Variants in PRR16 observed in about 807,000 individuals in gnomAD.
PRR16 encodes protein Largen.
A neutral mutation model predicts 18.2 loss-of-function variants in PRR16; 6 were observed. That is an observed-to-expected ratio of 0.33 (90% CI 0.18 to 0.65). The LOEUF (loss-of-function observed/expected upper bound fraction) is 0.65. PRR16 is among the 30% of genes least tolerant of loss of function. The pLI is 0.74. For missense variants in PRR16, 412 were observed against 376.6 expected (o/e 1.09, Z -0.78); for synonymous variants, 151 against 147.8 (o/e 1.02, Z -0.16).
At chr5:120,574,464 C>A (rs1753010402) in intron 1 of PRR16, among the ~76,000 whole-genome samples, 1 of 151,838 alleles carries the variant, frequency 6.6e-6, no homozygotes, top group Admixed American at 6.6e-5. Flanking sequence ...ATTAGCCAGG[C>A]ATGGTGGCAT....
At chr5:120,604,471 A>C (rs1754087770) in intron 1 of PRR16, among the ~76,000 whole-genome samples, 1 of 152,160 alleles carries the variant, frequency 6.6e-6, no homozygotes. Flanking sequence ...TATTGAAGAC[A>C]GCATACAGTT....
the PRR16 span, among the ~76,000 whole-genome samples, chr5:120,708,141 G>A: frequency 6.6e-6 from 1 of 152,118 alleles, no homozygotes; most frequent in South Asian, 2.1e-4. Flanking sequence ...CAGTGAAAAC[G>A]CCATTCTCAT....
At chr5:120,582,045 G>A (rs1268673992) in intron 1 of PRR16, among the ~76,000 whole-genome samples, 1 of 152,124 alleles carries the variant, frequency 6.6e-6, no homozygotes, top group Non-Finnish European at 1.5e-5. Context: ...CTGAAGTCAT[G>A]TAACCAACCT....
intron 1 of PRR16, among the ~76,000 whole-genome samples, chr5:120,683,409 G>A (rs955137393): frequency 1.3e-5 from 2 of 151,560 alleles, no homozygotes; most frequent in Non-Finnish European, 2.9e-5. Context: ...GGCTGAGGTG[G>A]GAGAATTGCT....
At chr5:120,586,858 G>A (rs1454207655) in intron 1 of PRR16, among the ~76,000 whole-genome samples, 1 of 152,166 alleles carries the variant, frequency 6.6e-6, no homozygotes, top group East Asian at 1.9e-4. Flanking sequence ...AGCTGGAAAT[G>A]ATTAAACTTA....
chr5:120,645,805 C>T (rs1755572287), intron 1 of PRR16, among the ~76,000 whole-genome samples: 1 of 151,268 alleles, frequency 6.6e-6, no homozygotes, highest in Non-Finnish European at 1.5e-5. Context: ...ATCTGCAGCA[C>T]TTCCAGGCAT....
chr5:120,637,586 G>A (rs1580815900), intron 1 of PRR16, among the ~76,000 whole-genome samples: 1 of 152,056 alleles, frequency 6.6e-6, no homozygotes, highest in Non-Finnish European at 1.5e-5. Context: ...TCACTTATGG[G>A]AGCTAAGTTA....
rs1050519029 is a variant in PRR16 at position 120,492,037 on chromosome 5, A to G, written c.159+27392A>G. Among the ~76,000 whole-genome samples, 9 of 151,710 alleles carry G rather than the reference A, an allele frequency of 5.9e-5. No homozygotes were observed. The East Asian group carries it at 1.5e-3, about 26-fold the overall frequency. ...TACAAAATGTAAATAGGGTTTGTAC[A>G]TTATAGTGTTCAATCTCTTTGTTCA... On this transcript the variant is annotated intron_variant, in intron 1 of 1. Transcript: ENST00000407149.
chr5:120,744,848 G>A, the PRR16 span, among the ~76,000 whole-genome samples: 3 of 152,128 alleles, frequency 2.0e-5, no homozygotes, highest in Non-Finnish European at 4.4e-5. Flanking sequence ...TTGTCAATGG[G>A]GGGTAAAGTG....
the PRR16 span, among the ~76,000 whole-genome samples, chr5:120,758,239 TGTA>T: frequency 5.9e-5 from 9 of 152,220 alleles, no homozygotes; most frequent in South Asian, 1.2e-3. Flanking sequence ...TATTCTCAAA[TGTA>T]GTATTTTTAG....
At chr5:120,570,301 C>T (rs778438412) in intron 1 of PRR16, among the ~76,000 whole-genome samples, 13 of 151,942 alleles carry the variant, frequency 8.6e-5, no homozygotes, top group Non-Finnish European at 1.5e-4. Context: ...AGGTCTGGCA[C>T]CATCCTAAAT....
At chr5:120,597,843 T>G (rs1753862161) in intron 1 of PRR16, among the ~76,000 whole-genome samples, 4 of 151,916 alleles carry the variant, frequency 2.6e-5, no homozygotes, top group Non-Finnish European at 5.9e-5. Flanking sequence ...CCTTTTCATT[T>G]GAAATGTAAG....
chr5:120,638,513 T>C (rs1419666843), intron 1 of PRR16, among the ~76,000 whole-genome samples: 1 of 152,120 alleles, frequency 6.6e-6, no homozygotes, highest in Non-Finnish European at 1.5e-5. Flanking sequence ...TATTGACTTA[T>C]TTAAGTCTAA....
chr5:120,552,402 A>G (rs1752282537), intron 1 of PRR16, among the ~76,000 whole-genome samples: 2 of 151,642 alleles, frequency 1.3e-5, no homozygotes, highest in African/African-American at 4.8e-5. Context: ...AGGTGTACAT[A>G]TTATTTTGGA....
intron 1 of PRR16, among the ~76,000 whole-genome samples, chr5:120,643,198 C>A (rs67879673): frequency 0.017 from 838 of 49,312 alleles, 4 homozygotes; most frequent in African/African-American, 0.042. Flanking sequence ...TAAAAAAAAA[C>A]AAAACAAAAC....
chr5:120,777,330 TAAC>T, the PRR16 span, among the ~76,000 whole-genome samples: 5 of 152,138 alleles, frequency 3.3e-5, no homozygotes, highest in African/African-American at 7.2e-5. Context: ...GCTTATTACT[TAAC>T]TTTTTCTAAA....
intron 1 of PRR16, among the ~76,000 whole-genome samples, chr5:120,597,236 T>C (rs931207659): frequency 4.6e-5 from 7 of 151,626 alleles, no homozygotes; most frequent in Non-Finnish European, 8.9e-5. Context: ...TTTCTTCCAT[T>C]CTATTGGTTG....
At chr5:120,718,164 C>T in the PRR16 span, among the ~76,000 whole-genome samples, 1,930 of 152,066 alleles carry the variant, frequency 0.013, 55 homozygotes, top group African/African-American at 0.044. Flanking sequence ...AAAATTTTCC[C>T]GTCTAATGTT....
At chr5:120,474,179 C>A (rs1749361186) in intron 1 of PRR16, among the ~76,000 whole-genome samples, 1 of 152,144 alleles carries the variant, frequency 6.6e-6, no homozygotes. Context: ...AATGGGACTT[C>A]TGAGCAGGGA....
Sources: gnomAD v4.1 joint callset for allele counts (sites outside exome capture counted in the v4.1 genomes callset) on GRCh38, gnomAD v4.1.1 for gene constraint, MANE v1.5 for transcripts, NCBI Gene and HGNC (gene_info 2026-07-23, HGNC 2026-07-21) for gene names.